The following VEPH1 variants were observed in gnomAD, a reference collection of about 807,000 sequenced individuals.
VEPH1 encodes the protein ventricular zone-expressed PH domain-containing protein homolog 1.
VEPH1 carries 80 observed loss-of-function variants against 85.2 expected under a neutral mutation model. The observed-to-expected ratio is 0.94, with a 90% confidence interval of 0.78 to 1.13. The LOEUF (loss-of-function observed/expected upper bound fraction) is 1.13, where lower values mean the gene tolerates loss of function less well. Among genes scored for constraint, VEPH1 ranks in the 50% most tolerant of loss-of-function variants. VEPH1 has a pLI of 0.00. For synonymous variants in VEPH1, 297 were observed against 348.0 expected (o/e 0.85, Z 1.63); for missense variants, 955 against 980.5 (o/e 0.97, Z 0.35).
At chr3:157,469,098 A>G (rs1250038092) in intron 3 of VEPH1, among the ~76,000 whole-genome samples, 1 of 152,200 alleles carries the variant, frequency 6.6e-6, no homozygotes, top group East Asian at 1.9e-4. Context: ...ATATACCAAG[A>G]TAACCAATGA....
At chr3:157,483,019 T>C (rs2109620254) in intron 2 of VEPH1, among the ~76,000 whole-genome samples, 1 of 152,218 alleles carries the variant, frequency 6.6e-6, no homozygotes, top group Non-Finnish European at 1.5e-5. Context: ...TAATAATGTA[T>C]TGAACAAGGA....
At chr3:157,368,741 T>G (rs2108797326) in intron 7 of VEPH1, among the ~76,000 whole-genome samples, 1 of 152,202 alleles carries the variant, frequency 6.6e-6, no homozygotes, top group East Asian at 1.9e-4. Context: ...TCCTCCCGCC[T>G]CGGCCACCCA....
At chr3:157,454,597 T>A (rs974576845) in intron 4 of VEPH1, among the ~76,000 whole-genome samples, 8 of 152,200 alleles carry the variant, frequency 5.3e-5, no homozygotes, top group Non-Finnish European at 4.4e-5. Context: ...AACAATAATC[T>A]ATTTTATTTT....
intron 12 of VEPH1, among the ~76,000 whole-genome samples, chr3:157,285,497 A>G (rs1559924494): frequency 6.6e-6 from 1 of 152,202 alleles, no homozygotes; most frequent in Non-Finnish European, 1.5e-5. Context: ...GATGCATAAA[A>G]TCCTAAAATT....
In VEPH1 at chr3:157,470,548, T is replaced by TTC; in HGVS notation, c.139-21_139-20dup. 6.2e-7 allele frequency: 1 copy of TTC among 1,609,102 alleles called. No homozygotes were observed. The highest frequency in any genetic ancestry group is 1.1e-5 in the South Asian group (1 of 90,916). Reference sequence around the variant, plus strand: ...GGTAATCCTGTTTGGAAAGAAAATCTTCATGTTAAATAATACTCTAGAAAG... The same window carrying TTC: ...GGTAATCCTGTTTGGAAAGAAAATCTTCTCATGTTAAATAATACTCTAGAAAG... On this transcript the variant is annotated intron_variant, in intron 2 of 13. Coordinates refer to ENST00000362010, the MANE Select transcript of VEPH1 (RefSeq NM_001167912.2).
chr3:157,350,863 A>C (rs972120540), intron 9 of VEPH1, among the ~76,000 whole-genome samples: 3 of 152,240 alleles, frequency 2.0e-5, no homozygotes, highest in African/African-American at 7.2e-5. Context: ...TCAAAAAGAA[A>C]AAAAATAACA....
At chr3:157,500,761 G>A (rs1740037643) in intron 1 of VEPH1, among the ~76,000 whole-genome samples, 1 of 152,054 alleles carries the variant, frequency 6.6e-6, no homozygotes. Flanking sequence ...GTAGAGTCCT[G>A]AATTGGACAC....
intron 3 of VEPH1, among the ~76,000 whole-genome samples, chr3:157,461,079 A>AG (rs144719161): frequency 0.012 from 1,861 of 152,274 alleles, 42 homozygotes; most frequent in African/African-American, 0.039. Context: ...TTAGATTCAG[A>AG]GGAAAAAAAA....
chr3:157,276,544 C>G (rs769409928), intron 12 of VEPH1, among the ~76,000 whole-genome samples: 9 of 152,146 alleles, frequency 5.9e-5, no homozygotes, highest in South Asian at 2.1e-4. Context: ...ATATGATATA[C>G]GAAAGAGTAA....
intron 12 of VEPH1, among the ~76,000 whole-genome samples, chr3:157,268,616 C>T (rs1714079608): frequency 6.6e-6 from 1 of 151,984 alleles, no homozygotes; most frequent in South Asian, 2.1e-4. Flanking sequence ...TAATAATGCC[C>T]CCTGGGATTC....
At chr3:157,272,503 G>C (rs1426218803) in intron 12 of VEPH1, among the ~76,000 whole-genome samples, 1 of 144,462 alleles carries the variant, frequency 6.9e-6, no homozygotes, top group African/African-American at 2.6e-5. Flanking sequence ...TGTCACCCAG[G>C]CTGGAGTGCA....
In VEPH1 at chr3:157,428,359, C is replaced by T. The variant is rs754379298; in HGVS notation, c.659G>A (p.Arg220Gln). ...LEQPEQYHLL[R>Q]LLHVAAKKKQ... The stretch of plus-strand genomic sequence containing the variant: ...TTTCTTTGCTGCTACATGCAAAAGC[C>T]GTAGTAGATGGTACTGTTCTGGCTG... The change falls in exon 5 of 14, where the codon CGG becomes CAG. Residue 220 changes from arginine to glutamine, a missense_variant. Transcript: ENST00000362010. 17 of 1,613,906 alleles carry T rather than the reference C, an allele frequency of 1.1e-5. No homozygotes were observed. The highest frequency in any genetic ancestry group is 4.5e-5 in the East Asian group (2 of 44,876).
At chr3:157,461,735 A>G (rs1013849777) in intron 3 of VEPH1, among the ~76,000 whole-genome samples, 2 of 152,144 alleles carry the variant, frequency 1.3e-5, no homozygotes, top group African/African-American at 4.8e-5. Flanking sequence ...TGGGGAAAAA[A>G]CATATCCCCA....
At chr3:157,447,629 C>G (rs1734651518) in intron 4 of VEPH1, among the ~76,000 whole-genome samples, 1 of 144,164 alleles carries the variant, frequency 6.9e-6, no homozygotes, top group Non-Finnish European at 1.5e-5. Context: ...GAGTCTCACT[C>G]TGTCTCCCAG....
Position 157,313,763 on chromosome 3 carries a change from G to A in VEPH1, c.1876-8C>T, listed in dbSNP as rs200045514. The A allele has an allele frequency of 1.6e-4, 261 of 1,613,838 alleles. 1 individual carries two copies. Among genetic ancestry groups the A allele is most frequent in the Non-Finnish European group, 2.1e-4 (243 of 1,179,952 alleles). ...GGGTTCAGGAAACAGGCTCTGAAAG[G>A]GCATTAAAGACAGAAACAGAATATA... On this transcript the variant is annotated splice_region_variant and splice_polypyrimidine_tract_variant and intron_variant, in intron 10 of 13. Transcript: ENST00000362010.
chr3:157,498,564 C>T (rs1017734723), intron 1 of VEPH1, among the ~76,000 whole-genome samples: 1 of 152,190 alleles, frequency 6.6e-6, no homozygotes, highest in African/African-American at 2.4e-5. Flanking sequence ...GGATTGAAGG[C>T]AGCTGGTCTC....
intron 11 of VEPH1, among the ~76,000 whole-genome samples, chr3:157,304,046 T>C (rs1361787035): frequency 1.1e-4 from 15 of 140,428 alleles, no homozygotes; most frequent in African/African-American, 2.4e-4. Context: ...TATACACACA[T>C]ACTGTTACAT....
rs113924904 is a variant in VEPH1 at position 157,363,707 on chromosome 3, G to A, written c.1392C>T (p.Asp464=). Residue 464 remains aspartate (D), a synonymous_variant, in exon 9 of 14, where the codon GAC becomes GAT. Transcript: ENST00000362010. ...TMLTKGVGSD[D]GEDENRGDIP... is the part of the protein sequence containing the mutation. Reference sequence around the variant, plus strand: ...TGTCTCCCCTGTTTTCATCTTCGCCGTCATCTGAACCCACACCCTTTGTGA... The same window carrying A: ...TGTCTCCCCTGTTTTCATCTTCGCCATCATCTGAACCCACACCCTTTGTGA... 5.8e-5 allele frequency: 94 copies of A among 1,614,024 alleles called. No individual in the cohort carries two copies. Among genetic ancestry groups the A allele is most frequent in the African/African-American group, 8.0e-5 (6 of 74,982 alleles).
intron 4 of VEPH1, among the ~76,000 whole-genome samples, chr3:157,456,276 A>G (rs1399834901): frequency 6.6e-6 from 1 of 152,130 alleles, no homozygotes; most frequent in Non-Finnish European, 1.5e-5. Flanking sequence ...TGTCAGATGC[A>G]TACTTTGCAA....
Sources: allele counts gnomAD v4.1 joint callset (sites outside exome capture counted in the v4.1 genomes callset), GRCh38; gene constraint gnomAD v4.1.1; transcripts MANE v1.5; gene names NCBI Gene and HGNC (gene_info 2026-07-23, HGNC 2026-07-21).